Variants in PTPRD observed in about 807,000 individuals in gnomAD.
The protein encoded by PTPRD is receptor-type tyrosine-protein phosphatase delta.
A neutral mutation model predicts 214.5 loss-of-function variants in PTPRD; 34 were observed. The observed-to-expected ratio is 0.16, with a 90% CI of 0.12 to 0.21. The LOEUF is 0.21. Among genes scored for constraint, PTPRD ranks in the 10% least tolerant of loss-of-function variants. The pLI is 1.00. For missense variants in PTPRD, 2,545 were observed against 2,398.7 expected (o/e 1.06, Z -1.27); for synonymous variants, 1,128 against 845.7 (o/e 1.33, Z -5.79).
At chr9:8,429,645 G>A (rs1408000345) in intron 35 of PTPRD, among the ~76,000 whole-genome samples, 1 of 152,086 alleles carries the variant, frequency 6.6e-6, no homozygotes, top group Non-Finnish European at 1.5e-5. Context: ...CATCATCACA[G>A]ACAGGAGATG....
intron 10 of PTPRD, among the ~76,000 whole-genome samples, chr9:9,078,290 G>A (rs2099754020): frequency 6.6e-6 from 1 of 152,068 alleles, no homozygotes; most frequent in Non-Finnish European, 1.5e-5. Context: ...CACTTCGCAA[G>A]AATTTCTGAG....
intron 40 of PTPRD, 79 bp downstream of exon 40, chr9:8,341,614 G>A (rs1343611790): frequency 1.3e-6 from 2 of 1,503,108 alleles, no homozygotes; most frequent in East Asian, 4.5e-5. Flanking sequence ...AAATTTGAAA[G>A]GTTAAAGTAA....
chr9:8,827,906 T>C (rs561167523), intron 11 of PTPRD, among the ~76,000 whole-genome samples: 1 of 152,328 alleles, frequency 6.6e-6, no homozygotes, highest in Admixed American at 6.5e-5. Flanking sequence ...CTGAAATATC[T>C]ACATTTTTAT....
At chr9:9,560,728 G>A (rs1400485982) in intron 8 of PTPRD, among the ~76,000 whole-genome samples, 2 of 152,200 alleles carry the variant, frequency 1.3e-5, no homozygotes, top group African/African-American at 2.4e-5. Context: ...CTCTGGGGCC[G>A]TGGGCAGGTG....
chr9:10,075,222 A>T (rs2098114216), intron 3 of PTPRD, among the ~76,000 whole-genome samples: 1 of 152,196 alleles, frequency 6.6e-6, no homozygotes, highest in South Asian at 2.1e-4. Context: ...CTGAAAACCT[A>T]CTTGCTAAAA....
chr9:9,316,692 G>A (rs1229415828), intron 9 of PTPRD, among the ~76,000 whole-genome samples: 2 of 152,120 alleles, frequency 1.3e-5, no homozygotes, highest in Non-Finnish European at 2.9e-5. Flanking sequence ...AAAATTGGAT[G>A]CATGGAATGA....
At chr9:8,624,789 C>T (rs918136727) in intron 14 of PTPRD, among the ~76,000 whole-genome samples, 1 of 151,754 alleles carries the variant, frequency 6.6e-6, no homozygotes, top group Non-Finnish European at 1.5e-5. Flanking sequence ...CTAGAAAGAG[C>T]ATCTCTCTTC....
At chr9:9,830,215 A>C in intron 5 of PTPRD, among the ~76,000 whole-genome samples, 2 of 151,966 alleles carry the variant, frequency 1.3e-5, no homozygotes, top group South Asian at 2.1e-4. Context: ...TATTTTTAAA[A>C]AGTTTTATTA....
chr9:10,445,742 AT>A (rs1329525968), intron 2 of PTPRD, among the ~76,000 whole-genome samples: 1 of 152,088 alleles, frequency 6.6e-6, no homozygotes, highest in Non-Finnish European at 1.5e-5. Flanking sequence ...CAAAAACATC[AT>A]GCCTAAAAAT....
At chr9:9,511,769 C>G (rs933473555) in intron 8 of PTPRD, among the ~76,000 whole-genome samples, 4 of 151,674 alleles carry the variant, frequency 2.6e-5, no homozygotes, top group South Asian at 4.1e-4. Flanking sequence ...GTATTCAATA[C>G]CAAAGATCTC....
chr9:9,326,717 G>T (rs1235755527), intron 9 of PTPRD, among the ~76,000 whole-genome samples: 2 of 151,246 alleles, frequency 1.3e-5, no homozygotes, highest in African/African-American at 4.9e-5. Flanking sequence ...TAAATGTCAG[G>T]GATTGAAGGT....
intron 35 of PTPRD, among the ~76,000 whole-genome samples, chr9:8,419,284 C>A (rs2094185390): frequency 6.8e-6 from 1 of 147,894 alleles, no homozygotes; most frequent in African/African-American, 2.5e-5. Flanking sequence ...TCAAGCTATT[C>A]AATAAAAGTA....
intron 10 of PTPRD, among the ~76,000 whole-genome samples, chr9:9,102,350 G>C (rs962259341): frequency 6.6e-6 from 1 of 152,216 alleles, no homozygotes; most frequent in African/African-American, 2.4e-5. Flanking sequence ...TAGTGCCTGA[G>C]TAGGGGTGAT....
chr9:9,840,508 C>T (rs1275736746), intron 5 of PTPRD, among the ~76,000 whole-genome samples: 1 of 151,782 alleles, frequency 6.6e-6, no homozygotes. Context: ...TTTATTCTTA[C>T]ATTATGTTTG....
intron 11 of PTPRD, among the ~76,000 whole-genome samples, chr9:8,990,170 C>T (rs944235288): frequency 6.6e-6 from 1 of 152,060 alleles, no homozygotes; most frequent in South Asian, 2.1e-4. Flanking sequence ...TACAAGTTTA[C>T]ATGGAAAATC....
At chr9:10,066,875 TC>T (rs1220202249) in intron 3 of PTPRD, among the ~76,000 whole-genome samples, 1 of 151,900 alleles carries the variant, frequency 6.6e-6, no homozygotes, top group African/African-American at 2.4e-5. Context: ...GTTTCTTAAG[TC>T]TCTGAATGCT....
intron 5 of PTPRD, among the ~76,000 whole-genome samples, chr9:9,846,984 AT>A (rs898315044): frequency 2.0e-5 from 3 of 152,054 alleles, no homozygotes; most frequent in African/African-American, 2.4e-5. Context: ...TAAAATATAT[AT>A]TTTTTTGAGT....
chr9:10,532,576 A>G (rs986867782), intron 2 of PTPRD, among the ~76,000 whole-genome samples: 1 of 147,764 alleles, frequency 6.8e-6, no homozygotes, highest in Non-Finnish European at 1.5e-5. Context: ...TATATACACT[A>G]TATATATATT....
chr9:9,643,738 A>G (rs1341475131), intron 7 of PTPRD, among the ~76,000 whole-genome samples: 2 of 152,220 alleles, frequency 1.3e-5, no homozygotes, highest in East Asian at 3.8e-4. Flanking sequence ...CCAAATCAGA[A>G]GCTATATGAA....
Sources: allele counts gnomAD v4.1 joint callset (sites outside exome capture counted in the v4.1 genomes callset), GRCh38; gene constraint gnomAD v4.1.1; transcripts MANE v1.5; gene names NCBI Gene and HGNC (gene_info 2026-07-23, HGNC 2026-07-21).